The following MED13L variants were observed in gnomAD, a reference collection of about 807,000 sequenced individuals.
MED13L encodes mediator of RNA polymerase II transcription subunit 13-like.
Under a neutral mutation model 220.9 loss-of-function variants are expected in MED13L, and 7 were observed. The observed-to-expected ratio is 0.03, with a 90% confidence interval of 0.02 to 0.06. MED13L has a LOEUF of 0.06. MED13L is among the 10% of genes least tolerant of loss of function. The pLI, the probability that MED13L is intolerant of heterozygous loss-of-function variation, is 1.00. For synonymous variants in MED13L, 1,011 were observed against 1,015.2 expected, an observed-to-expected ratio of 1.00 and a Z score of 0.08; for missense variants, 1,965 against 2,760.5, an observed-to-expected ratio of 0.71 and a Z score of 6.46.
At chr12:116,060,204 T>C (rs1869324978) in intron 4 of MED13L, among the ~76,000 whole-genome samples, 1 of 152,020 alleles carries the variant, frequency 6.6e-6, no homozygotes, top group Non-Finnish European at 1.5e-5. Flanking sequence ...TAAAACTGTC[T>C]CAAGTAGTTG....
rs542647931 is a variant in MED13L, at chr12:116,268,019, G to A, written c.72+9041C>T. On this transcript the variant is annotated intron_variant, in intron 1 of 30. Transcript: ENST00000281928. ...AAGCTGAAATAAAAACAGCATACTTGTGATCAAGACCCAAATGGTCAATAA... is the reference window on the plus strand; with the variant it reads ...AAGCTGAAATAAAAACAGCATACTTATGATCAAGACCCAAATGGTCAATAA... Among the ~76,000 whole-genome samples, 204 of 152,306 alleles carry A rather than the reference G, an allele frequency of 1.3e-3. 2 individuals are homozygous for A. Among genetic ancestry groups the A allele is most frequent in the African/African-American group, 4.7e-3 (194 of 41,552 alleles).
chr12:116,195,283 G>A (rs987995061), intron 2 of MED13L, among the ~76,000 whole-genome samples: 1 of 152,044 alleles, frequency 6.6e-6, no homozygotes, highest in Non-Finnish European at 1.5e-5. Context: ...GGGCAACAGG[G>A]AGAAGCAGTT....
intron 1 of MED13L, among the ~76,000 whole-genome samples, chr12:116,249,117 G>A (rs1871304016): frequency 6.6e-6 from 1 of 152,154 alleles, no homozygotes; most frequent in South Asian, 2.1e-4. Context: ...ACAAGGTCAG[G>A]CAGAGAACTA....
chr12:116,227,059 C>T (rs1026563221), intron 2 of MED13L, among the ~76,000 whole-genome samples: 2 of 151,774 alleles, frequency 1.3e-5, no homozygotes, highest in African/African-American at 4.8e-5. Context: ...CAAGTGGAAA[C>T]CATCTGTAAT....
intron 2 of MED13L, among the ~76,000 whole-genome samples, chr12:116,217,638 T>C (rs1184627898): frequency 6.6e-6 from 1 of 152,210 alleles, no homozygotes; most frequent in African/African-American, 2.4e-5. Context: ...ACTTCCCCCA[T>C]CACAGCTTTT....
rs558387672 is a variant in MED13L at position 116,240,176 on chromosome 12, A to G, written c.73-2471T>C. Among the ~76,000 whole-genome samples, 10 of 152,014 alleles carry G rather than the reference A, an allele frequency of 6.6e-5. No individual in the cohort carries two copies. In the South Asian group the frequency reaches 1.9e-3, roughly 28 times the overall value. ...CACCCAGGTTGGAGTGCAGCAGTGC[A>G]ACACTGGCCTCCCAGGTTCAGGCAA... On this transcript the variant is annotated intron_variant, in intron 1 of 30. Coordinates refer to ENST00000281928, the MANE Select transcript of MED13L (RefSeq NM_015335.5).
At position 116,087,312 on chromosome 12, in the gene MED13L, T is replaced by C. The variant is rs1871779555; in HGVS notation, c.479+9357A>G. On this transcript the variant is annotated intron_variant, in intron 4 of 30. Coordinates refer to ENST00000281928, the MANE Select transcript of MED13L (RefSeq NM_015335.5). ...GTAATTTCAAGCTTAATAGAATTTATGTAATCTTTTTCTTAACATTTTAAA... is the reference window on the plus strand; with the variant it reads ...GTAATTTCAAGCTTAATAGAATTTACGTAATCTTTTTCTTAACATTTTAAA... Among the ~76,000 whole-genome samples the C allele has an allele frequency of 3.3e-5, 5 of 152,174 alleles. No individual in the cohort carries two copies. The South Asian group carries it at 1.0e-3, about 31-fold the overall frequency.
In MED13L at chr12:115,987,195, G is replaced by A. The variant is rs745839062; in HGVS notation, c.4028C>T (p.Thr1343Met). The change falls in exon 18 of 31, where the codon ACG becomes ATG. Residue 1343 changes from threonine (T) to methionine (M), a missense_variant. Physicochemically the swap from Thr to Met is moderately conservative, Grantham distance 81. This residue lies in a region of MED13L where 21 missense variants were observed against 73.9 expected (regional missense o/e 0.28). Transcript: ENST00000281928. ...FLQDAIQKKR[T>M]GRTWENIQHV... is the part of the protein sequence containing the mutation. ...CTGGATGTTCTCCCAGGTCCTGCCC[G>A]TGCGCTTCTTTTGGATGGCATCTTG... 27 of 1,614,090 alleles carry A rather than the reference G, an allele frequency of 1.7e-5. No individual in the cohort carries two copies. The highest frequency in any genetic ancestry group is 3.3e-5 in the South Asian group (3 of 91,080).
Position 115,961,020 on chromosome 12 carries a change from A to AC in MED13L, c.*245dup, listed in dbSNP as rs1875722437. 1.9e-6 allele frequency: 1 copy of AC among 530,166 alleles called. No homozygotes were observed. The highest frequency in any genetic ancestry group is 1.9e-5 in the African/African-American group (1 of 52,654). The allele number at this position is 530,166 out of a possible 1,614,324, so 32.8% of individuals were successfully genotyped here. On this transcript the variant is annotated 3_prime_UTR_variant, in exon 31 of 31. Transcript: ENST00000281928. ...GGGACCAGTGGTTGGGGCTACACAC[A>AC]CCACCGCACTGGCTGAAAGTCACCA...
chr12:116,237,834 T>C (rs1360820715), intron 1 of MED13L, 129 bp from the exon 2 acceptor site: 5 of 839,110 alleles, frequency 6.0e-6, no homozygotes. Context: ...ATAAGATTCC[T>C]CCCAGTGAAG....
intron 4 of MED13L, among the ~76,000 whole-genome samples, chr12:116,031,763 G>GAAA (rs1566020961): frequency 2.0e-5 from 2 of 102,244 alleles, no homozygotes; most frequent in African/African-American, 3.3e-5. Flanking sequence ...AAGAAAAGAA[G>GAAA]GAAGGAAGGA....
intron 4 of MED13L, among the ~76,000 whole-genome samples, chr12:116,084,188 C>T (rs1298983639): frequency 2.6e-5 from 4 of 152,176 alleles, no homozygotes; most frequent in Non-Finnish European, 5.9e-5. Context: ...TTTAGCACCA[C>T]GTGTTTCTAA....
intron 1 of MED13L, among the ~76,000 whole-genome samples, chr12:116,247,534 TCTCAGC>T (rs1871198187): frequency 6.6e-6 from 1 of 152,212 alleles, no homozygotes; most frequent in Admixed American, 6.5e-5. Flanking sequence ...CTCAAATTCT[TCTCAGC>T]CATAGCTATG....
At position 115,995,383 on chromosome 12, in the gene MED13L, A is replaced by G. The variant is rs558975505; in HGVS notation, c.2996+1093T>C. Among the ~76,000 whole-genome samples, 38 of 152,310 alleles carry G rather than the reference A, an allele frequency of 2.5e-4. 1 individual carries two copies. Among genetic ancestry groups the G allele is most frequent in the African/African-American group, 9.1e-4 (38 of 41,562 alleles). On this transcript the variant is annotated intron_variant, in intron 16 of 30. Coordinates refer to ENST00000281928, the MANE Select transcript of MED13L (RefSeq NM_015335.5). ...CAATCAAATCACTTTATTTATTAAGAAATTATTCATCACAGGGAAAACTGA... is the reference window on the plus strand; with the variant it reads ...CAATCAAATCACTTTATTTATTAAGGAATTATTCATCACAGGGAAAACTGA...
intron 2 of MED13L, among the ~76,000 whole-genome samples, chr12:116,111,979 T>G (rs1280841381): frequency 2.0e-5 from 3 of 152,184 alleles, no homozygotes; most frequent in African/African-American, 7.2e-5. Flanking sequence ...TGTCTTTACA[T>G]GTTTTGAAGG....
chr12:116,154,824 G>T (rs566436438), intron 2 of MED13L, among the ~76,000 whole-genome samples: 1 of 151,808 alleles, frequency 6.6e-6, no homozygotes, highest in South Asian at 2.1e-4. Context: ...TGTGTTGATG[G>T]TGGTGGTGTT....
chr12:116,065,176 G>GAGCA, intron 4 of MED13L, among the ~76,000 whole-genome samples: 1 of 151,988 alleles, frequency 6.6e-6, no homozygotes, highest in Non-Finnish European at 1.5e-5. Context: ...CATACATCAG[G>GAGCA]TTTCTACATA....
intron 16 of MED13L, among the ~76,000 whole-genome samples, chr12:115,994,314 G>C (rs1442094688): frequency 1.3e-5 from 2 of 152,108 alleles, no homozygotes; most frequent in Non-Finnish European, 2.9e-5. Flanking sequence ...GCTGGGTGTG[G>C]TGGCACGTGC....
At chr12:116,179,470 C>T (rs956465900) in intron 2 of MED13L, among the ~76,000 whole-genome samples, 1 of 151,850 alleles carries the variant, frequency 6.6e-6, no homozygotes, top group African/African-American at 2.4e-5. Flanking sequence ...AATTATCAGG[C>T]ATGGTGGTGC....
Sources: allele counts gnomAD v4.1 joint callset (sites outside exome capture counted in the v4.1 genomes callset), GRCh38; gene constraint gnomAD v4.1.1; regional missense constraint gnomAD v4.1.1; transcripts MANE v1.5; gene names NCBI Gene and HGNC (gene_info 2026-07-23, HGNC 2026-07-21).